Variants in SUMF1 observed in about 807,000 individuals in gnomAD.
The protein encoded by SUMF1 is formylglycine-generating enzyme.
SUMF1 carries 48 observed loss-of-function variants against 47.6 expected under a neutral mutation model. The observed-to-expected ratio is 1.01, with a 90% CI of 0.80 to 1.28. The LOEUF (loss-of-function observed/expected upper bound fraction) is 1.28. Among genes scored for constraint, SUMF1 ranks in the 50% most tolerant of loss-of-function variants. SUMF1 has a pLI of 0.00. For synonymous variants in SUMF1, 230 were observed against 192.1 expected (o/e 1.20, Z -1.63); for missense variants, 571 against 485.4 (o/e 1.18, Z -1.66).
intron 8 of SUMF1, among the ~76,000 whole-genome samples, chr3:4,070,671 T>C (rs946559215): frequency 2.6e-5 from 4 of 152,160 alleles, no homozygotes; most frequent in Non-Finnish European, 5.9e-5. Context: ...AGTCTCACTC[T>C]GCTGCCCAGG....
chr3:4,244,098 C>T (rs921474989), intron 8 of SUMF1, among the ~76,000 whole-genome samples: 5 of 151,544 alleles, frequency 3.3e-5, no homozygotes, highest in Admixed American at 1.3e-4. Context: ...TTTTGTTTTT[C>T]CTTTCCATTT....
Position 4,184,502 on chromosome 3 carries a change from G to A in SUMF1, c.1015-115757C>T, listed in dbSNP as rs1442897591. On this transcript the variant is annotated intron_variant and NMD_transcript_variant, in intron 8 of 12. Coordinates refer to the SUMF1 transcript ENST00000448413. ...AGAAAGAAAAAAATGCAAAAGAGTC[G>A]ATTCTTACACTGAGTGAGGGACTTG... is the stretch of plus-strand genomic sequence containing the variant. Among the ~76,000 whole-genome samples the A allele has an allele frequency of 5.3e-5, 8 of 151,920 alleles. No homozygotes were observed. The East Asian group carries it at 1.2e-3, about 22-fold the overall frequency.
intron 8 of SUMF1, among the ~76,000 whole-genome samples, chr3:4,164,543 T>C (rs1291349514): frequency 1.3e-5 from 2 of 152,158 alleles, no homozygotes; most frequent in African/African-American, 4.8e-5. Context: ...TTTTTTAAGG[T>C]GTCCTTGCAA....
At position 4,398,034 on chromosome 3, in the gene SUMF1, T is replaced by C. The variant is rs574907414; in HGVS notation, c.954+12831A>G. 2.6e-5 allele frequency among the ~76,000 whole-genome samples: 4 copies of C among 152,288 alleles called. No homozygotes were observed. In the South Asian group the frequency reaches 8.3e-4, roughly 32 times the overall value. On this transcript the variant is annotated intron_variant, in intron 7 of 8. Coordinates refer to ENST00000272902, the MANE Select transcript of SUMF1 (RefSeq NM_182760.4). ...CAGATGAGGAAGCTGGGTGAAAGGTTAACTAACTTGCTCCAGGTTATTCAG... is the reference window on the plus strand; with the variant it reads ...CAGATGAGGAAGCTGGGTGAAAGGTCAACTAACTTGCTCCAGGTTATTCAG...
intron 8 of SUMF1, among the ~76,000 whole-genome samples, chr3:4,237,414 C>T (rs537544339): frequency 2.6e-5 from 4 of 152,146 alleles, no homozygotes; most frequent in Non-Finnish European, 5.9e-5. Flanking sequence ...TTATTTGTCA[C>T]TTGTATACCT....
chr3:4,281,015 T>G (rs1056479729), intron 8 of SUMF1, among the ~76,000 whole-genome samples: 2 of 152,094 alleles, frequency 1.3e-5, no homozygotes, highest in African/African-American at 4.8e-5. Context: ...AGTTAGGACT[T>G]CAACATCTTT....
intron 8 of SUMF1, among the ~76,000 whole-genome samples, chr3:4,224,883 A>C (rs313690): frequency 6.6e-6 from 1 of 152,106 alleles, no homozygotes; most frequent in African/African-American, 2.4e-5. Flanking sequence ...CAAGTCCCTG[A>C]TCCTACAGTT....
At chr3:4,108,458 GT>G (rs1693209912) in intron 8 of SUMF1, among the ~76,000 whole-genome samples, 1 of 152,068 alleles carries the variant, frequency 6.6e-6, no homozygotes, top group Non-Finnish European at 1.5e-5. Context: ...GCAGAGCTGA[GT>G]TCAATTCCTG....
intron 2 of SUMF1, among the ~76,000 whole-genome samples, chr3:4,452,280 T>C (rs1311671017): frequency 6.6e-6 from 1 of 152,174 alleles, no homozygotes; most frequent in African/African-American, 2.4e-5. Flanking sequence ...CCTATTCCCA[T>C]TTAGGAAAGC....
Position 4,089,441 on chromosome 3 carries a change from T to C in SUMF1, c.1015-20696A>G, listed in dbSNP as rs146151032. On this transcript the variant is annotated intron_variant and NMD_transcript_variant, in intron 8 of 12. Transcript: ENST00000448413. The stretch of plus-strand genomic sequence containing the variant: ...TATTAGAGAAATGTGTAATAAACAA[T>C]TGGAAAATACTTGGTATAAAAAAAT... Among the ~76,000 whole-genome samples the C allele has an allele frequency of 5.0e-3, 762 of 152,220 alleles. 12 individuals carry two copies. Among genetic ancestry groups the C allele is most frequent in the African/African-American group, 0.017 (725 of 41,512 alleles).
intron 7 of SUMF1, among the ~76,000 whole-genome samples, chr3:4,403,255 A>C (rs1417720573): frequency 6.6e-6 from 1 of 152,206 alleles, no homozygotes; most frequent in African/African-American, 2.4e-5. Context: ...TACAGTGACA[A>C]GATTCAAACC....
chr3:4,270,673 TACC>T (rs1376798357), intron 8 of SUMF1, among the ~76,000 whole-genome samples: 3 of 152,336 alleles, frequency 2.0e-5, no homozygotes, highest in African/African-American at 7.2e-5. Context: ...CAACAAAGGA[TACC>T]AGCATGTGGG....
intron 3 of SUMF1, among the ~76,000 whole-genome samples, chr3:4,432,419 A>G (rs1311043134): frequency 6.6e-6 from 1 of 152,138 alleles, no homozygotes; most frequent in Non-Finnish European, 1.5e-5. Context: ...AATTAGATCC[A>G]ATGGCTTCTA....
At chr3:4,230,343 G>A (rs1468419738) in intron 8 of SUMF1, among the ~76,000 whole-genome samples, 1 of 152,108 alleles carries the variant, frequency 6.6e-6, no homozygotes, top group Non-Finnish European at 1.5e-5. Context: ...ACAATCATAA[G>A]TGCCAACAGT....
chr3:4,426,706 C>A (rs949260927), intron 3 of SUMF1, among the ~76,000 whole-genome samples: 1 of 152,224 alleles, frequency 6.6e-6, no homozygotes, highest in Non-Finnish European at 1.5e-5. Flanking sequence ...CATGAGTGGA[C>A]TGGCATCTAT....
intron 8 of SUMF1, among the ~76,000 whole-genome samples, chr3:4,153,193 G>A (rs945707060): frequency 2.6e-5 from 4 of 151,358 alleles, no homozygotes; most frequent in African/African-American, 9.8e-5. Flanking sequence ...ACATATATTT[G>A]ATCAATTACT....
At chr3:4,316,300 G>A (rs760872681) in intron 8 of SUMF1, 30 of 1,089,632 alleles carry the variant, frequency 2.8e-5, no homozygotes, top group Non-Finnish European at 3.9e-5. Context: ...GAAACAACTC[G>A]CAACATCAAC....
At chr3:4,269,627 A>G (rs1697266402) in intron 8 of SUMF1, among the ~76,000 whole-genome samples, 1 of 152,200 alleles carries the variant, frequency 6.6e-6, no homozygotes, top group Non-Finnish European at 1.5e-5. Flanking sequence ...GGGGAAAGAA[A>G]GAATGAATGG....
intron 9 of SUMF1, among the ~76,000 whole-genome samples, chr3:4,041,456 C>A (rs960674043): frequency 6.6e-6 from 1 of 152,184 alleles, no homozygotes; most frequent in African/African-American, 2.4e-5. Flanking sequence ...CTTTTGTAGA[C>A]AATACCCTTC....
Sources: gnomAD v4.1 joint callset for allele counts (sites outside exome capture counted in the v4.1 genomes callset) on GRCh38, gnomAD v4.1.1 for gene constraint, MANE v1.5 for transcripts, NCBI Gene and HGNC (gene_info 2026-07-23, HGNC 2026-07-21) for gene names.